Variants in PITPNC1 observed in about 807,000 individuals in gnomAD.
The protein encoded by PITPNC1 is cytoplasmic phosphatidylinositol transfer protein 1.
A neutral mutation model predicts 44.7 loss-of-function variants in PITPNC1; 18 were observed. That is an observed-to-expected ratio of 0.40 (90% CI 0.28 to 0.60). The LOEUF is 0.60. Among genes scored for constraint, PITPNC1 ranks in the 20% least tolerant of loss-of-function variants. The pLI, the probability that PITPNC1 is intolerant of heterozygous loss-of-function variation, is 0.39. For missense variants in PITPNC1, 290 were observed against 418.4 expected, an observed-to-expected ratio of 0.69 and a Z score of 2.68; for synonymous variants, 141 against 149.6, an observed-to-expected ratio of 0.94 and a Z score of 0.42.
At chr17:67,426,027 A>C (rs10512516) in intron 1 of PITPNC1, among the ~76,000 whole-genome samples, 2 of 151,980 alleles carry the variant, frequency 1.3e-5, no homozygotes, top group Non-Finnish European at 2.9e-5. Flanking sequence ...TTTGCTGATC[A>C]CTTCATAGAC....
intron 1 of PITPNC1, among the ~76,000 whole-genome samples, chr17:67,450,496 A>G (rs1404603054): frequency 6.6e-6 from 1 of 151,814 alleles, no homozygotes; most frequent in Non-Finnish European, 1.5e-5. Context: ...TGTGATCACA[A>G]TTCACTGCAG....
intron 5 of PITPNC1, among the ~76,000 whole-genome samples, chr17:67,622,174 A>G (rs1019900432): frequency 5.3e-5 from 8 of 150,328 alleles, no homozygotes; most frequent in Non-Finnish European, 1.0e-4. Flanking sequence ...GGAGAATGGC[A>G]GGAACCCGGG....
intron 5 of PITPNC1, among the ~76,000 whole-genome samples, chr17:67,628,965 T>C (rs117478062): frequency 0.015 from 2,318 of 152,130 alleles, 77 homozygotes; most frequent in East Asian, 0.11. Flanking sequence ...AAAGGAGAAA[T>C]GCTTACAGGG....
chr17:67,447,356 A>G (rs56089609), intron 1 of PITPNC1, among the ~76,000 whole-genome samples: 1,681 of 151,992 alleles, frequency 0.011, 36 homozygotes, highest in Non-Finnish European at 0.017. Flanking sequence ...TACAAACAGC[A>G]GTGGTTCTCC....
chr17:67,612,020 C>G (rs2144294906), intron 5 of PITPNC1: 1 of 152,340 alleles, frequency 6.6e-6, no homozygotes, highest in South Asian at 2.1e-4. Flanking sequence ...AATTAAACAA[C>G]AGCTGAATGT....
chr17:67,636,747 T>G (rs2042037963), intron 6 of PITPNC1, among the ~76,000 whole-genome samples: 1 of 152,164 alleles, frequency 6.6e-6, no homozygotes, highest in Non-Finnish European at 1.5e-5. Context: ...TGGGCTGTTT[T>G]GGTGGTTGTG....
intron 2 of PITPNC1, among the ~76,000 whole-genome samples, chr17:67,549,956 T>A (rs1267066545): frequency 6.6e-6 from 1 of 152,102 alleles, no homozygotes; most frequent in Non-Finnish European, 1.5e-5. Flanking sequence ...CATATTGCGC[T>A]AGGGTGTGGG....
In PITPNC1 at chr17:67,378,070, C is replaced by G; in HGVS notation, c.-85C>G. 1 of 881,434 alleles carries G rather than the reference C, an allele frequency of 1.1e-6. No individual in the cohort carries two copies. The highest frequency in any genetic ancestry group is 2.2e-5 in the South Asian group (1 of 46,310). The allele number at this position is 881,434 out of a possible 1,614,324, so 54.6% of individuals were successfully genotyped here. On this transcript the variant is annotated 5_prime_UTR_variant, in exon 1 of 9. Coordinates refer to ENST00000581322, the MANE Select transcript of PITPNC1 (RefSeq NM_012417.4). ...GGCTCCGAGCGCCGGGCTCCGGGCG[C>G]CCTGCCCTGCGCCTGGGCAGCAGCC...
At position 67,437,753 on chromosome 17, in the gene PITPNC1, C is replaced by T. The variant is rs148073373; in HGVS notation, c.48+59551C>T. Among the ~76,000 whole-genome samples the T allele has an allele frequency of 4.5e-3, 687 of 152,190 alleles. 1 individual carries two copies. Among genetic ancestry groups the T allele is most frequent in the African/African-American group, 0.016 (652 of 41,528 alleles). On this transcript the variant is annotated intron_variant, in intron 1 of 8. Coordinates refer to ENST00000581322, the MANE Select transcript of PITPNC1 (RefSeq NM_012417.4). ...AGATCCCAGAGGAGGTCCCTGAGAA[C>T]GAATGAACAAATGAATGAATGAAAG...
Position 67,495,156 on chromosome 17 carries a change from A to G in PITPNC1, c.49-37646A>G, listed in dbSNP as rs551618468. 2.2e-4 allele frequency among the ~76,000 whole-genome samples: 31 copies of G among 141,094 alleles called. 1 individual carries two copies. The highest frequency in any genetic ancestry group is 4.1e-3 in the Middle Eastern group (1 of 244). 92.6% of individuals were successfully genotyped at this position (141,094 alleles called of 152,430 possible). On this transcript the variant is annotated intron_variant, in intron 1 of 8. Coordinates refer to ENST00000581322, the MANE Select transcript of PITPNC1 (RefSeq NM_012417.4). Reference sequence around the variant, plus strand: ...ACTGCAAGCTCCGCCTCCCGGGTTCACGCCATTCTCCTGCCTCAGCCTCCC... The same window carrying G: ...ACTGCAAGCTCCGCCTCCCGGGTTCGCGCCATTCTCCTGCCTCAGCCTCCC...
chr17:67,591,762 T>C (rs2570053), intron 5 of PITPNC1, among the ~76,000 whole-genome samples: 46,034 of 151,988 alleles, frequency 0.3, 7,295 homozygotes, highest in African/African-American at 0.4. Context: ...CAGGCTGGAG[T>C]GCAGTGGCAC....
intron 8 of PITPNC1, among the ~76,000 whole-genome samples, chr17:67,675,859 G>A (rs1470397517): frequency 6.6e-6 from 1 of 152,142 alleles, no homozygotes; most frequent in East Asian, 1.9e-4. Context: ...CAAGATCAAA[G>A]CTGTCTGAAG....
intron 2 of PITPNC1, among the ~76,000 whole-genome samples, chr17:67,551,326 G>A (rs8079845): frequency 0.047 from 7,111 of 152,162 alleles, 250 homozygotes; most frequent in African/African-American, 0.098. Context: ...ATAACTTTCC[G>A]AAACAAATTG....
rs545237269 is a variant in PITPNC1 at position 67,531,052 on chromosome 17, G to A, written c.49-1750G>A. Among the ~76,000 whole-genome samples the A allele has an allele frequency of 5.9e-5, 9 of 152,242 alleles. No homozygotes were observed. In the South Asian group the frequency reaches 1.9e-3, roughly 32 times the overall value. On this transcript the variant is annotated intron_variant, in intron 1 of 8. Coordinates refer to ENST00000581322, the MANE Select transcript of PITPNC1 (RefSeq NM_012417.4). ...GAGCCCAGGAGTTCAAGACCAGCCT[G>A]GGCAACATGGTGAGACCCTGTCTCT...
At chr17:67,432,889 A>G (rs1367881641) in intron 1 of PITPNC1, among the ~76,000 whole-genome samples, 2 of 152,192 alleles carry the variant, frequency 1.3e-5, no homozygotes, top group African/African-American at 2.4e-5. Flanking sequence ...ACAGCTCTGG[A>G]CACAGGTGTG....
chr17:67,401,734 C>T (rs935323177), intron 1 of PITPNC1, among the ~76,000 whole-genome samples: 1 of 151,914 alleles, frequency 6.6e-6, no homozygotes, highest in African/African-American at 2.4e-5. Flanking sequence ...ATCCCAGATA[C>T]TCAGGAGGCT....
intron 5 of PITPNC1, among the ~76,000 whole-genome samples, chr17:67,619,276 C>G (rs2041800112): frequency 6.6e-6 from 1 of 152,138 alleles, no homozygotes; most frequent in African/African-American, 2.4e-5. Flanking sequence ...AAACTCCTAT[C>G]TTGCCAGCCT....
intron 6 of PITPNC1, among the ~76,000 whole-genome samples, chr17:67,634,591 C>A (rs2042010541): frequency 6.6e-6 from 1 of 152,084 alleles, no homozygotes; most frequent in South Asian, 2.1e-4. Context: ...CAGGACACTT[C>A]CAATCTAACA....
chr17:67,556,864 T>C (rs1198044852), intron 4 of PITPNC1, among the ~76,000 whole-genome samples: 1 of 152,174 alleles, frequency 6.6e-6, no homozygotes, highest in African/African-American at 2.4e-5. Flanking sequence ...TGTCAGCATT[T>C]TAAGGAAGAA....
Sources: allele counts gnomAD v4.1 joint callset (sites outside exome capture counted in the v4.1 genomes callset), GRCh38; gene constraint gnomAD v4.1.1; transcripts MANE v1.5; gene names NCBI Gene and HGNC (gene_info 2026-07-23, HGNC 2026-07-21).